Variants in CACNA1A observed in about 807,000 individuals in gnomAD.
CACNA1A encodes voltage-dependent P/Q-type calcium channel subunit alpha-1A.
A neutral mutation model predicts 262.4 loss-of-function variants in CACNA1A; 57 were observed. The ratio of observed to expected loss-of-function variants is 0.22; its 90% CI spans 0.18 to 0.27. The LOEUF is 0.27. CACNA1A is among the 10% of genes least tolerant of loss of function. CACNA1A has a pLI of 1.00. For missense variants in CACNA1A, 2,526 were observed against 3,562.8 expected (o/e 0.71, Z 7.41); for synonymous variants, 1,431 against 1,419.3 (o/e 1.01, Z -0.18).
intron 21 of CACNA1A, chr19:13,283,709 G>A (rs374476469): frequency 1.0e-4 from 23 of 221,782 alleles, no homozygotes; most frequent in Middle Eastern, 1.7e-3. Flanking sequence ...AATTCTGTAG[G>A]AGATAAAAAG....
chr19:13,487,486 TG>T (rs927666542), intron 1 of CACNA1A, among the ~76,000 whole-genome samples: 1 of 151,908 alleles, frequency 6.6e-6, no homozygotes, highest in African/African-American at 2.4e-5. Flanking sequence ...TGCCAGGGGC[TG>T]GGGGAGCGGG....
intron 10 of CACNA1A, 141 bp downstream of exon 10, chr19:13,330,103 G>T: frequency 1.6e-6 from 1 of 612,000 alleles, no homozygotes. Context: ...AATCTGCCCA[G>T]GACACACGCA....
intron 22 of CACNA1A, among the ~76,000 whole-genome samples, chr19:13,279,423 A>T (rs771769994): frequency 3.3e-5 from 5 of 152,090 alleles, no homozygotes; most frequent in Non-Finnish European, 7.4e-5. Flanking sequence ...CCAAGTGTTG[A>T]CAAGGATGTG....
intron 3 of CACNA1A, among the ~76,000 whole-genome samples, chr19:13,386,217 C>T (rs1272317069): frequency 6.6e-6 from 1 of 151,826 alleles, no homozygotes; most frequent in African/African-American, 2.4e-5. Context: ...GCCACCACCA[C>T]TACCCGCCTT....
intron 3 of CACNA1A, among the ~76,000 whole-genome samples, chr19:13,446,831 T>A (rs1382022480): frequency 1.3e-5 from 2 of 151,610 alleles, no homozygotes; most frequent in African/African-American, 2.4e-5. Context: ...GCTCAGGGAA[T>A]CCTCCCACCT....
intron 15 of CACNA1A, among the ~76,000 whole-genome samples, chr19:13,304,706 C>T (rs1246814885): frequency 2.7e-5 from 4 of 149,748 alleles, no homozygotes; most frequent in Non-Finnish European, 5.9e-5. Context: ...ACAACTCTCT[C>T]TCTCTCTCTT....
At position 13,261,613 on chromosome 19, in the gene CACNA1A, G is replaced by A; in HGVS notation, c.4090-3C>T. The A allele has an allele frequency of 6.2e-7, 1 of 1,606,822 alleles. No homozygotes were observed. The highest frequency in any genetic ancestry group is 2.2e-5 in the East Asian group (1 of 44,668). On this transcript the variant is annotated splice_region_variant and splice_polypyrimidine_tract_variant and intron_variant, in intron 25 of 46. Transcript: ENST00000360228. The stretch of plus-strand genomic sequence containing the variant: ...TTCACCACACAGTCAAACACAGCCT[G>A]TGGGGTGGAGTTGACAGAGAGCATG...
intron 3 of CACNA1A, among the ~76,000 whole-genome samples, chr19:13,447,918 T>C (rs1025671624): frequency 6.6e-6 from 1 of 152,000 alleles, no homozygotes; most frequent in African/African-American, 2.4e-5. Flanking sequence ...CCTCTCCTAG[T>C]TCACCGGCTC....
intron 24 of CACNA1A, among the ~76,000 whole-genome samples, chr19:13,270,982 T>C (rs1018889987): frequency 6.6e-6 from 1 of 152,172 alleles, no homozygotes; most frequent in Non-Finnish European, 1.5e-5. Flanking sequence ...TCCAGATCCT[T>C]TTCTTGCATA....
At chr19:13,415,623 C>G (rs1277048123) in intron 3 of CACNA1A, among the ~76,000 whole-genome samples, 1 of 151,590 alleles carries the variant, frequency 6.6e-6, no homozygotes, top group African/African-American at 2.4e-5. Flanking sequence ...CGCCTGTAGT[C>G]CCAGCTACTG....
At chr19:13,409,301 G>A (rs944915350) in intron 3 of CACNA1A, among the ~76,000 whole-genome samples, 5 of 151,164 alleles carry the variant, frequency 3.3e-5, no homozygotes, top group Non-Finnish European at 5.9e-5. Context: ...GTCATGGTAG[G>A]AGATATGGTA....
Position 13,206,804 on chromosome 19 carries a change from A to G in CACNA1A, c.*509T>C, listed in dbSNP as rs1212176467. On this transcript the variant is annotated 3_prime_UTR_variant, in exon 47 of 47. Transcript: ENST00000360228. The stretch of plus-strand genomic sequence containing the variant: ...GTGTGTCTGGTGGTGGGTGTAGGGC[A>G]CTGGGATTCTGGTTCCTTCTGGCTT... 1 of 155,066 alleles carries G rather than the reference A, an allele frequency of 6.4e-6. No individual in the cohort carries two copies. Among genetic ancestry groups the G allele is most frequent in the Non-Finnish European group, 1.5e-5 (1 of 68,740 alleles). 9.6% of individuals were successfully genotyped at this position (155,066 alleles called of 1,614,324 possible). A position where few individuals can be genotyped will look rare whatever the true frequency, so the allele number is the denominator to read the frequency against.
chr19:13,398,395 A>T (rs1377477915), intron 3 of CACNA1A, among the ~76,000 whole-genome samples: 1 of 152,188 alleles, frequency 6.6e-6, no homozygotes, highest in African/African-American at 2.4e-5. Context: ...ACTTAATAGG[A>T]ACTTATAAAC....
In CACNA1A at chr19:13,345,035, A is replaced by G. The variant is rs945296211; in HGVS notation, c.979-9126T>C. Among the ~76,000 whole-genome samples the G allele has an allele frequency of 2.0e-5, 3 of 152,242 alleles. No individual in the cohort carries two copies. In the East Asian group the frequency reaches 5.8e-4, roughly 29 times the overall value. On this transcript the variant is annotated intron_variant, in intron 6 of 46. Transcript: ENST00000360228. ...CAGCCTCCCAAAGAGTTGGGATTAC[A>G]GGGGTGAGCCACCATGCCCAGCTTG...
At chr19:13,424,392 C>T (rs1413612417) in intron 3 of CACNA1A, among the ~76,000 whole-genome samples, 1 of 152,038 alleles carries the variant, frequency 6.6e-6, no homozygotes, top group Non-Finnish European at 1.5e-5. Context: ...AAACAAACAA[C>T]AACAGTCAAT....
At chr19:13,402,128 C>T (rs1329363869) in intron 3 of CACNA1A, among the ~76,000 whole-genome samples, 1 of 152,228 alleles carries the variant, frequency 6.6e-6, no homozygotes, top group East Asian at 1.9e-4. Flanking sequence ...ATTATCATCT[C>T]TTCAACATCT....
rs1981780652 is a variant in CACNA1A, at chr19:13,497,520, AAATATATATATATATATATATAT to A, written c.293+8389_293+8411del. Among the ~76,000 whole-genome samples, 3 of 15,498 alleles carry A rather than the reference AAATATATATATATATATATATAT, an allele frequency of 1.9e-4. 1 individual carries two copies. The highest frequency in any genetic ancestry group is 8.3e-4 in the African/African-American group (3 of 3,612). The allele number at this position is 15,498 out of a possible 152,430, so 10.2% of individuals were successfully genotyped here. ...AAAAAAAAAAAAAAAAAAAAAAAAAAAATATATATATATATATATATATATATATATATATATATATATATATA... is the reference window on the plus strand; with the variant it reads ...AAAAAAAAAAAAAAAAAAAAAAAAAAATATATATATATATATATATATATA... On this transcript the variant is annotated intron_variant, in intron 1 of 46. Transcript: ENST00000360228.
chr19:13,494,748 G>A (rs930547872), intron 1 of CACNA1A, among the ~76,000 whole-genome samples: 6 of 152,100 alleles, frequency 3.9e-5, no homozygotes, highest in African/African-American at 1.2e-4. Flanking sequence ...CGTCTTACAT[G>A]GCAGCAGGAG....
chr19:13,295,041 G>T (rs756006181), intron 19 of CACNA1A, among the ~76,000 whole-genome samples: 6 of 152,108 alleles, frequency 3.9e-5, no homozygotes, highest in Non-Finnish European at 8.8e-5. Flanking sequence ...TTCTCAGATT[G>T]CTCCTCTGGA....
Sources: gnomAD v4.1 joint callset for allele counts (sites outside exome capture counted in the v4.1 genomes callset) on GRCh38, gnomAD v4.1.1 for gene constraint, MANE v1.5 for transcripts, NCBI Gene and HGNC (gene_info 2026-07-23, HGNC 2026-07-21) for gene names.